Variants in E4F1 observed in about 807,000 individuals in gnomAD.
The protein encoded by E4F1 is transcription factor E4F1.
E4F1 carries 30 observed loss-of-function variants against 72.9 expected under a neutral mutation model. The observed-to-expected ratio is 0.41, with a 90% CI of 0.31 to 0.56. The LOEUF (loss-of-function observed/expected upper bound fraction) is 0.56, where lower values mean the gene tolerates loss of function less well. Among genes scored for constraint, E4F1 ranks in the 20% least tolerant of loss-of-function variants. E4F1 has a pLI of 0.25. For synonymous variants in E4F1, 542 were observed against 478.2 expected (o/e 1.13, Z -1.74); for missense variants, 1,091 against 1,117.5 (o/e 0.98, Z 0.34).
chr16:2,229,156 C>T (rs2093450360), intron 2 of E4F1, among the ~76,000 whole-genome samples: 1 of 152,230 alleles, frequency 6.6e-6, no homozygotes. Context: ...CAGAGGTGCC[C>T]CCTCCTCCAG....
chr16:2,226,800 G>A (rs1000621430), intron 1 of E4F1, among the ~76,000 whole-genome samples: 2 of 152,350 alleles, frequency 1.3e-5, no homozygotes, highest in African/African-American at 4.8e-5. Context: ...CACACAGTGA[G>A]GGGGTGGTCT....
intron 1 of E4F1, among the ~76,000 whole-genome samples, chr16:2,225,118 TAGG>T (rs912669790): frequency 1.7e-4 from 25 of 150,980 alleles, no homozygotes; most frequent in Non-Finnish European, 3.1e-4. Flanking sequence ...GAAGGTGAGG[TAGG>T]AGAATTGCTT....
In E4F1 at chr16:2,233,652, G is replaced by C. The variant is rs2093483229; in HGVS notation, c.1266+5G>C. 1 of 1,524,828 alleles carries C rather than the reference G, an allele frequency of 6.6e-7. No individual in the cohort carries two copies. The highest frequency in any genetic ancestry group is 8.8e-7 in the Non-Finnish European group (1 of 1,136,786). The allele number at this position is 1,524,828 out of a possible 1,614,324, so 94.5% of individuals were successfully genotyped here. ...GAAGTGCAGCCGCTGGAGACAGTAGGTGCCAGCACCACCTGCGGGCTCCTC... is the reference window on the plus strand; with the variant it reads ...GAAGTGCAGCCGCTGGAGACAGTAGCTGCCAGCACCACCTGCGGGCTCCTC... On this transcript the variant is annotated splice_donor_5th_base_variant and intron_variant, in intron 8 of 13. Transcript: ENST00000301727.
At position 2,233,591 on chromosome 16, in the gene E4F1, C is replaced by A; in HGVS notation, c.1210C>A (p.Pro404Thr). ...PAPAAGSSPQ[P>T]LAVAAPQLPV... is the part of the protein sequence containing the mutation. ...TCCTGCTGCCGGGTCCAGTCCCCAG[C>A]CCCTGGCAGTGGCAGCCCCGCAGCT... Residue 404 changes from proline (P) to threonine (T), a missense_variant, in exon 8 of 14, where the codon CCC (proline) becomes ACC (threonine). Physicochemically the swap from Pro to Thr is conservative, Grantham distance 38. Transcript: ENST00000301727. 6.6e-7 allele frequency: 1 copy of A among 1,510,656 alleles called. No individual in the cohort carries two copies. The allele number at this position is 1,510,656 out of a possible 1,614,324, so 93.6% of individuals were successfully genotyped here.
At chr16:2,234,131 G>A (rs757447879) in intron 9 of E4F1, 40 bp from the exon 10 acceptor site, 48 of 1,600,416 alleles carry the variant, frequency 3.0e-5, no homozygotes, top group South Asian at 4.4e-5. Flanking sequence ...TGGCGGGCCC[G>A]CGGGTGATGG....
At chr16:2,229,819 G>T in intron 3 of E4F1, 144 bp downstream of exon 3, 1 of 800,810 alleles carries the variant, frequency 1.2e-6, no homozygotes, top group East Asian at 2.7e-5. Context: ...GCCTTTCTGC[G>T]GGCACAGCCT....
chr16:2,235,667 A>G lies in E4F1; in HGVS notation c.*95A>G. The G allele has an allele frequency of 9.2e-7, 1 of 1,088,598 alleles. No homozygotes were observed. The highest frequency in any genetic ancestry group is 1.3e-6 in the Non-Finnish European group (1 of 775,320). The allele number at this position is 1,088,598 out of a possible 1,614,324, so 67.4% of individuals were successfully genotyped here. ...CCTGGCCTGGTAGAGAAGATGGCAC[A>G]GGATGGAGGCGCCCCAAGACGGACA... On this transcript the variant is annotated 3_prime_UTR_variant, in exon 14 of 14. Transcript: ENST00000301727.
In E4F1 at chr16:2,232,362, ACGGTGAGCCGGCGTG is replaced by A; in HGVS notation, c.609+2_609+16del. 1 of 1,601,434 alleles carries A rather than the reference ACGGTGAGCCGGCGTG, an allele frequency of 6.2e-7. No homozygotes were observed. Among genetic ancestry groups the A allele is most frequent in the Middle Eastern group, 1.7e-4 (1 of 6,012 alleles). Reference sequence around the variant, plus strand: ...TGCGCTGTGCCACAAGACCTTCAAGACGGTGAGCCGGCGTGCGGGGAGCCAGTGTGTGGGTGGCAG... The same window carrying A: ...TGCGCTGTGCCACAAGACCTTCAAGACGGGGAGCCAGTGTGTGGGTGGCAG... On this transcript the variant is annotated splice_donor_variant and splice_donor_5th_base_variant and coding_sequence_variant and intron_variant, in exon 4 of 14. Coordinates refer to ENST00000301727, the MANE Select transcript of E4F1 (RefSeq NM_004424.5). LOFTEE classifies it high-confidence loss of function.
At chr16:2,227,021 C>T (rs963894257) in intron 1 of E4F1, among the ~76,000 whole-genome samples, 14 of 152,164 alleles carry the variant, frequency 9.2e-5, no homozygotes, top group Admixed American at 3.3e-4. Context: ...CTCAAACTCC[C>T]GCAGTTTTTG....
rs377249962 is a variant in E4F1, at chr16:2,234,415, C to T, written c.1593+27C>T. The T allele has an allele frequency of 6.3e-5, 101 of 1,609,640 alleles. No individual in the cohort carries two copies. The East Asian group carries it at 8.3e-4, about 13-fold the overall frequency. On this transcript the variant is annotated intron_variant, in intron 10 of 13. Transcript: ENST00000301727. ...TGGGTCTCTGGCCGCAGGACCCTGG[C>T]GCCTGATCCCCCCATCCTGCTCCCT...
chr16:2,232,963 G>T, intron 6 of E4F1, 48 bp from the exon 7 acceptor site: 1 of 1,610,936 alleles, frequency 6.2e-7, no homozygotes, highest in Non-Finnish European at 8.5e-7. Flanking sequence ...GGACGCAGCC[G>T]CCACTGGGGT....
chr16:2,232,962 C>T (rs199667792), intron 6 of E4F1, 49 bp from the exon 7 acceptor site: 35 of 1,612,170 alleles, frequency 2.2e-5, no homozygotes, highest in Middle Eastern at 1.7e-4. Flanking sequence ...TGGACGCAGC[C>T]GCCACTGGGG....
intron 3 of E4F1, 40 bp downstream of exon 3, chr16:2,229,715 C>G: frequency 6.2e-7 from 1 of 1,603,990 alleles, no homozygotes; most frequent in Middle Eastern, 1.7e-4. Context: ...GATAGACCTT[C>G]GTGGTTGGGG....
chr16:2,225,764 G>A (rs948570586), intron 1 of E4F1, among the ~76,000 whole-genome samples: 4 of 140,212 alleles, frequency 2.9e-5, no homozygotes, highest in African/African-American at 8.0e-5. Flanking sequence ...GCGCCACCGT[G>A]CCCGGCTCCT....
At chr16:2,224,045 C>G (rs762554231) in intron 1 of E4F1, 14 of 1,228,246 alleles carry the variant, frequency 1.1e-5, no homozygotes, top group Non-Finnish European at 1.5e-5. Context: ...TGTAGACATT[C>G]GCAGACGCCG....
Position 2,234,497 on chromosome 16 carries a change from G to C in E4F1, c.1594-86G>C, listed in dbSNP as rs1375942242. 96 of 1,558,208 alleles carry C rather than the reference G, an allele frequency of 6.2e-5. 1 individual carries two copies. The highest frequency in any genetic ancestry group is 8.1e-5 in the Non-Finnish European group (93 of 1,145,798). On this transcript the variant is annotated intron_variant, in intron 10 of 13. Coordinates refer to ENST00000301727, the MANE Select transcript of E4F1 (RefSeq NM_004424.5). Reference sequence around the variant, plus strand: ...CTCCACCATGCTCAGTCTTGACCCAGCCCCTCCCTTGGGCCACAGGCGGGA... The same window carrying C: ...CTCCACCATGCTCAGTCTTGACCCACCCCCTCCCTTGGGCCACAGGCGGGA...
intron 3 of E4F1, chr16:2,231,407 T>G (rs558844494): frequency 6.6e-6 from 1 of 152,284 alleles, no homozygotes; most frequent in African/African-American, 2.4e-5. Flanking sequence ...AGGCTCTTAA[T>G]TGTTTCTGAG....
At chr16:2,230,489 G>C (rs1446941115) in intron 3 of E4F1, 1 of 152,990 alleles carries the variant, frequency 6.5e-6, no homozygotes, top group Non-Finnish European at 1.5e-5. Flanking sequence ...TGGGAGGTGG[G>C]GCGGGGCATG....
rs200137506 is a variant in E4F1, at chr16:2,235,368, G to A, written c.2151G>A (p.Glu717=). ...ACACCATCACCATCGCCACCCCCGA[G>A]AGCCTGACAGAGCAGGTGGCCATGA... is the stretch of plus-strand genomic sequence containing the variant. The part of the protein sequence containing the change: ...AADTITIATP[E]SLTEQVAMTL... The change falls in exon 14 of 14, where the codon GAG becomes GAA. Residue 717 remains glutamate, a synonymous_variant. Coordinates refer to ENST00000301727, the MANE Select transcript of E4F1 (RefSeq NM_004424.5). 377 of 1,610,180 alleles carry A rather than the reference G, an allele frequency of 2.3e-4. 1 individual carries two copies. The Middle Eastern group carries it at 2.6e-3, about 11-fold the overall frequency.
Sources: gnomAD v4.1 joint callset for allele counts (sites outside exome capture counted in the v4.1 genomes callset) on GRCh38, gnomAD v4.1.1 for gene constraint, MANE v1.5 for transcripts, NCBI Gene and HGNC (gene_info 2026-07-23, HGNC 2026-07-21) for gene names.